Variants in HYAL3 observed in about 807,000 individuals in gnomAD.
HYAL3 encodes hyaluronidase-3.
HYAL3 carries 25 observed loss-of-function variants against 29.6 expected under a neutral mutation model. The ratio of observed to expected loss-of-function variants is 0.85; its 90% CI spans 0.62 to 1.18. The LOEUF is 1.18. HYAL3 is among the 50% of genes most tolerant of loss of function. The probability of loss-of-function intolerance (pLI) is 0.00; values close to 1 mark genes in which losing one functional copy is unlikely to be tolerated. For missense variants in HYAL3, 442 were observed against 548.4 expected (o/e 0.81, Z 1.94); for synonymous variants, 215 against 218.3 (o/e 0.99, Z 0.13).
intron 3 of HYAL3, 42 bp downstream of exon 3, chr3:50,293,590 C>T (rs782229301): frequency 1.9e-6 from 3 of 1,612,960 alleles, no homozygotes; most frequent in Non-Finnish European, 2.5e-6. Context: ...CCCTGGGACC[C>T]CAGCATGTGC....
chr3:50,296,326 T>G (rs1400535234), intron 1 of HYAL3: 4 of 485,832 alleles, frequency 8.2e-6, no homozygotes, highest in Non-Finnish European at 1.5e-5. Flanking sequence ...ATCTGGAGAC[T>G]TCTGCAGGGA....
At position 50,295,128 on chromosome 3, in the gene HYAL3, C is replaced by A. The variant is rs782209399; in HGVS notation, c.475G>T (p.Asp159Tyr). 7 of 1,613,488 alleles carry A rather than the reference C, an allele frequency of 4.3e-6. No homozygotes were observed. In the African/African-American group the frequency reaches 9.3e-5, roughly 22 times the overall value. Reference sequence around the variant, plus strand: ...TAGAGCTGCTCCTGAGGGTCCAGGTCAGGGAATACCTGCTGTGCCCAAGCC... The same window carrying A: ...TAGAGCTGCTCCTGAGGGTCCAGGTAAGGGAATACCTGCTGTGCCCAAGCC... ...SWAWAQQVFP[D>Y]LDPQEQLYKA... is the part of the protein sequence containing the mutation. Residue 159 changes from aspartate (D) to tyrosine (Y), a missense_variant, in exon 2 of 4, where the codon GAC (aspartate) becomes TAC (tyrosine). Physicochemically the swap from Asp to Tyr is radical, Grantham distance 160. Transcript: ENST00000336307.
intron 1 of HYAL3, 110 bp from the exon 2 acceptor site, chr3:50,295,729 G>T: frequency 1.1e-6 from 1 of 927,694 alleles, no homozygotes; most frequent in Non-Finnish European, 1.6e-6. Flanking sequence ...CCTTACAGGA[G>T]GAGCTGGGGA....
chr3:50,293,368 A>G lies in HYAL3; in HGVS notation c.1132T>C (p.Phe378Leu). ...ARRDPGQMEAFLHLWPDGSLG... is the reference protein window; with the variant it reads ...ARRDPGQMEALLHLWPDGSLG... ...CTGCCGTCTGGCCACAGGTGTAGAA[A>G]GGCTTCCATCTGTCCTGGATCTCGC... The change falls in exon 4 of 4, where the codon TTT becomes CTT. Residue 378 changes from phenylalanine to leucine, a missense_variant. Transcript: ENST00000336307. The G allele has an allele frequency of 6.2e-7, 1 of 1,613,558 alleles. No individual in the cohort carries two copies. Among genetic ancestry groups the G allele is most frequent in the South Asian group, 1.1e-5 (1 of 91,086 alleles).
rs782064456 is a variant in HYAL3, at chr3:50,293,422, G to A, written c.1078C>T (p.Arg360Trp). 55 of 1,613,560 alleles carry A rather than the reference G, an allele frequency of 3.4e-5. No homozygotes were observed. The highest frequency in any genetic ancestry group is 3.3e-4 in the East Asian group (15 of 44,902). Residue 360 changes from arginine (R) to tryptophan (W), a missense_variant, in exon 4 of 4, where the codon CGG becomes TGG. Arg to Trp is a moderately radical substitution (Grantham distance 101). Coordinates refer to ENST00000336307, the MANE Select transcript of HYAL3 (RefSeq NM_003549.4). ...TRAAMACSHQ[R>W]CHGHGRCARR... is the part of the protein sequence containing the mutation. ...GCACAGCGCCCGTGGCCATGGCACC[G>A]CTGGTGACTGCAGGCCATCGCTGCC...
In HYAL3 at chr3:50,295,166, T is replaced by C. The variant is rs1701791387; in HGVS notation, c.437A>G (p.Gln146Arg). The C allele has an allele frequency of 6.2e-7, 1 of 1,613,506 alleles. No individual in the cohort carries two copies. Among genetic ancestry groups the C allele is most frequent in the Non-Finnish European group, 8.5e-7 (1 of 1,180,026 alleles). Residue 146 changes from glutamine (Q) to arginine (R), a missense_variant, in exon 2 of 4, where the codon CAG becomes CGG. Physicochemically the swap from Gln to Arg is conservative, Grantham distance 43. Coordinates refer to ENST00000336307, the MANE Select transcript of HYAL3 (RefSeq NM_003549.4). ...CTGTGCCCAAGCCCAAGAGGCTGCC[T>C]GATAAGCTCGGCGGCGGCCCCAGTT... ...AGNWGRRRAY[Q>R]AASWAWAQQV...
At position 50,293,009 on chromosome 3, in the gene HYAL3, C is replaced by A. The variant is rs1553710231; in HGVS notation, c.*237G>T. On this transcript the variant is annotated 3_prime_UTR_variant, in exon 4 of 4. Transcript: ENST00000336307. ...GGCTGGCAGCCCTAACTAGCTGGAACCTGACTCTCCCTGGAACTGCTTCCT... is the reference window on the plus strand; with the variant it reads ...GGCTGGCAGCCCTAACTAGCTGGAAACTGACTCTCCCTGGAACTGCTTCCT... 5.3e-6 allele frequency: 8 copies of A among 1,513,800 alleles called. No homozygotes were observed. Among genetic ancestry groups the A allele is most frequent in the Non-Finnish European group, 7.2e-6 (8 of 1,111,982 alleles). The allele number at this position is 1,513,800 out of a possible 1,614,324, so 93.8% of individuals were successfully genotyped here.
intron 1 of HYAL3, chr3:50,296,516 G>A (rs1701845074): frequency 8.1e-6 from 12 of 1,477,156 alleles, no homozygotes; most frequent in Admixed American, 4.0e-5. Flanking sequence ...AGGGGCTAGG[G>A]GCTGAGGTAT....
Position 50,292,923 on chromosome 3 carries a change from C to G in HYAL3, c.*323G>C, listed in dbSNP as rs1701714527. The G allele has an allele frequency of 6.6e-7, 1 of 1,513,642 alleles. No individual in the cohort carries two copies. The highest frequency in any genetic ancestry group is 8.9e-7 in the Non-Finnish European group (1 of 1,126,126). 93.8% of individuals were successfully genotyped at this position (1,513,642 alleles called of 1,614,324 possible). On this transcript the variant is annotated 3_prime_UTR_variant, in exon 4 of 4. Coordinates refer to ENST00000336307, the MANE Select transcript of HYAL3 (RefSeq NM_003549.4). ...CCAAGATTTTTTGGGGCCCATCTGC[C>G]CGTGCACGGCCCATCTGTGACCTCT...
Position 50,293,067 on chromosome 3 carries a change from C to A in HYAL3, c.*179G>T. ...GAGGACTCACATGATCTCAGAGGGC[C>A]TCTGGTTTTATAAGCGTTTTTTCTG... On this transcript the variant is annotated 3_prime_UTR_variant, in exon 4 of 4. Coordinates refer to ENST00000336307, the MANE Select transcript of HYAL3 (RefSeq NM_003549.4). The A allele has an allele frequency of 7.0e-7, 1 of 1,424,178 alleles. No individual in the cohort carries two copies. The highest frequency in any genetic ancestry group is 9.8e-7 in the Non-Finnish European group (1 of 1,024,130). 88.2% of individuals were successfully genotyped at this position (1,424,178 alleles called of 1,614,324 possible). A position where few individuals can be genotyped will look rare whatever the true frequency, so the allele number is the denominator to read the frequency against.
At position 50,295,525 on chromosome 3, in the gene HYAL3, G is replaced by A. The variant is rs587647580; in HGVS notation, c.78C>T (p.Val26=). ...ACAGCACAGAGAAGGGGCGTTCAGG[G>A]ACCTGTGGTAGGGGCTGGCCACAAC... ...CLGCGQPLPQ[V]PERPFSVLWN... is the part of the protein sequence containing the mutation. The change falls in exon 2 of 4, where the codon GTC becomes GTT. Residue 26 remains valine, a synonymous_variant. Transcript: ENST00000336307. 1.3e-5 allele frequency: 20 copies of A among 1,599,966 alleles called. No homozygotes were observed. The African/African-American group carries it at 2.6e-4, about 21-fold the overall frequency.
chr3:50,299,342 C>T lies in HYAL3; in HGVS notation c.-147G>A. On this transcript the variant is annotated 5_prime_UTR_variant, in exon 1 of 4. Transcript: ENST00000336307. ...AGCGGTGCGGCGGATGTTCTGCAGC[C>T]GTCGCGTCCTGCGGCACGCCACGGC... The T allele has an allele frequency of 6.3e-7, 1 of 1,576,668 alleles. No individual in the cohort carries two copies. Among genetic ancestry groups the T allele is most frequent in the East Asian group, 2.3e-5 (1 of 42,940 alleles).
At chr3:50,296,558 G>A in intron 1 of HYAL3, 1 of 1,591,508 alleles carries the variant, frequency 6.3e-7, no homozygotes, top group Non-Finnish European at 8.6e-7. Flanking sequence ...AGACTGTCGG[G>A]GCAGTCTATT....
chr3:50,293,002 G>C lies in HYAL3; in HGVS notation c.*244C>G. ...AGCCCTAGGCTGGCAGCCCTAACTA[G>C]CTGGAACCTGACTCTCCCTGGAACT... On this transcript the variant is annotated 3_prime_UTR_variant, in exon 4 of 4. Transcript: ENST00000336307. 6.5e-7 allele frequency: 1 copy of C among 1,532,820 alleles called. No individual in the cohort carries two copies. The highest frequency in any genetic ancestry group is 2.4e-5 in the East Asian group (1 of 42,380). 95.0% of individuals were successfully genotyped at this position (1,532,820 alleles called of 1,614,324 possible). A position where few individuals can be genotyped will look rare whatever the true frequency, so the allele number is the denominator to read the frequency against.
rs782460928 is a variant in HYAL3, at chr3:50,295,632, G to C, written c.-17-13C>G. The C allele has an allele frequency of 1.9e-5, 29 of 1,512,412 alleles. No homozygotes were observed. The South Asian group carries it at 2.9e-4, about 15-fold the overall frequency. The allele number at this position is 1,512,412 out of a possible 1,614,324, so 93.7% of individuals were successfully genotyped here. ...CAAGGATGGAAACCTGCAGGAGAGAGGGGGGTGTAAGCTTAGAGTCCGCAG... is the reference window on the plus strand; with the variant it reads ...CAAGGATGGAAACCTGCAGGAGAGACGGGGGTGTAAGCTTAGAGTCCGCAG... On this transcript the variant is annotated splice_polypyrimidine_tract_variant and intron_variant, in intron 1 of 3. Transcript: ENST00000336307.
rs181805747 is a variant in HYAL3, at chr3:50,297,202, T to G, written c.-17-1583A>C. 3.1e-6 allele frequency: 5 copies of G among 1,611,146 alleles called. No individual in the cohort carries two copies. The highest frequency in any genetic ancestry group is 4.2e-6 in the Non-Finnish European group (5 of 1,178,604). On this transcript the variant is annotated intron_variant, in intron 1 of 3. Coordinates refer to ENST00000336307, the MANE Select transcript of HYAL3 (RefSeq NM_003549.4). The surrounding 1 kb of genome is among the most constrained non-coding windows in gnomAD (Gnocchi z 4.3). ...TGGCCCAGGGAGTGCAGGCGGGAGG[T>G]GCGGCTGCGGGGCCACTGATCATTG...
In HYAL3 at chr3:50,294,842, G is replaced by A; in HGVS notation, c.761C>T (p.Ala254Val). ...ATGTCGGACAAAGGCCTGGTGGTGGGCAGGTGGCAGCCTGGGTGGGAGGTA... is the reference window on the plus strand; with the variant it reads ...ATGTCGGACAAAGGCCTGGTGGTGGACAGGTGGCAGCCTGGGTGGGAGGTA... ...SIYLPPRLPP[A>V]HHQAFVRHRL... Residue 254 changes from alanine (A) to valine (V), a missense_variant, in exon 2 of 4, where the codon GCC becomes GTC. Physicochemically the swap from Ala to Val is moderately conservative, Grantham distance 64 (BLOSUM62 0). Coordinates refer to ENST00000336307, the MANE Select transcript of HYAL3 (RefSeq NM_003549.4). The A allele has an allele frequency of 2.6e-6, 4 of 1,537,874 alleles. No individual in the cohort carries two copies. The highest frequency in any genetic ancestry group is 3.5e-6 in the Non-Finnish European group (4 of 1,138,468).
intron 1 of HYAL3, among the ~76,000 whole-genome samples, chr3:50,298,249 C>A (rs1701943422): frequency 6.6e-6 from 1 of 152,154 alleles, no homozygotes; most frequent in Admixed American, 6.5e-5. Context: ...CTGGGCTATG[C>A]CCACTGCCTT....
rs142423146 is a variant in HYAL3, at chr3:50,293,300, G to A, written c.1200C>T (p.Gly400=). 1 of 1,613,250 alleles carries A rather than the reference G, an allele frequency of 6.2e-7. No individual in the cohort carries two copies. The highest frequency in any genetic ancestry group is 8.5e-7 in the Non-Finnish European group (1 of 1,180,018). Residue 400 remains glycine (G), a synonymous_variant, in exon 4 of 4, where the codon GGC becomes GGT. Coordinates refer to ENST00000336307, the MANE Select transcript of HYAL3 (RefSeq NM_003549.4). ...GCTCCTGGCAGGTGGGGCCAGCCCA[G>A]CCCCAGTAACAGTGGCAGCTGAAGG... ...WKSFSCHCYW[G]WAGPTCQEPR... is the part of the protein sequence containing the mutation.
Sources: gnomAD v4.1 joint callset for allele counts (sites outside exome capture counted in the v4.1 genomes callset) on GRCh38, gnomAD v4.1.1 for gene constraint, Gnocchi (gnomAD v3.1) non-coding constraint, MANE v1.5 for transcripts, NCBI Gene and HGNC (gene_info 2026-07-23, HGNC 2026-07-21) for gene names.